GPC6: variants seen among roughly 807,000 people sequenced by gnomAD.
The protein encoded by GPC6 is glypican-6.
In GPC6, 14 loss-of-function variants were observed where a neutral mutation model predicts 55.2. The ratio of observed to expected loss-of-function variants is 0.25; its 90% CI spans 0.17 to 0.40. GPC6 has a LOEUF of 0.40. GPC6 is among the 10% of genes least tolerant of loss of function. The probability of loss-of-function intolerance (pLI) is 1.00; values close to 1 mark genes in which losing one functional copy is unlikely to be tolerated. For missense variants in GPC6, 641 were observed against 708.5 expected (o/e 0.90, Z 1.08); for synonymous variants, 278 against 259.6 (o/e 1.07, Z -0.68).
At chr13:93,590,483 T>C (rs1429972950) in intron 2 of GPC6, among the ~76,000 whole-genome samples, 1 of 152,186 alleles carries the variant, frequency 6.6e-6, no homozygotes, top group African/African-American at 2.4e-5. Flanking sequence ...TCTAGTAATA[T>C]AATTCTTATT....
chr13:94,255,572 C>T (rs979798870), intron 4 of GPC6, among the ~76,000 whole-genome samples: 1 of 152,082 alleles, frequency 6.6e-6, no homozygotes, highest in Non-Finnish European at 1.5e-5. Flanking sequence ...TAAATTGTCC[C>T]TCCTCTTTTT....
At chr13:94,296,700 T>C (rs1875352844) in intron 5 of GPC6, among the ~76,000 whole-genome samples, 1 of 152,180 alleles carries the variant, frequency 6.6e-6, no homozygotes, top group African/African-American at 2.4e-5. Context: ...GGAAACATGC[T>C]CATTTGTAGT....
At chr13:94,302,263 G>A (rs1875689977) in intron 5 of GPC6, among the ~76,000 whole-genome samples, 1 of 152,166 alleles carries the variant, frequency 6.6e-6, no homozygotes, top group African/African-American at 2.4e-5. Flanking sequence ...TAGCAGATTT[G>A]ATGTCTGGTG....
At chr13:94,392,104 A>G (rs1880671635) in intron 7 of GPC6, among the ~76,000 whole-genome samples, 2 of 152,276 alleles carry the variant, frequency 1.3e-5, no homozygotes, top group Admixed American at 6.5e-5. Flanking sequence ...AGGTATATAA[A>G]TATCTGCTCA....
chr13:94,374,677 C>G (rs1388064077), intron 6 of GPC6, among the ~76,000 whole-genome samples: 2 of 151,222 alleles, frequency 1.3e-5, no homozygotes, highest in Non-Finnish European at 2.9e-5. Flanking sequence ...ACAAGGAAAC[C>G]CAGGAATTGA....
chr13:93,471,122 A>G (rs1037373917), intron 1 of GPC6, among the ~76,000 whole-genome samples: 1 of 151,736 alleles, frequency 6.6e-6, no homozygotes, highest in African/African-American at 2.4e-5. Context: ...TTGGCTTTTC[A>G]TATTCTTATT....
chr13:93,433,538 CTTAAA>C lies in GPC6; in HGVS notation c.161-111720_161-111716del, dbSNP rs146382766. On this transcript the variant is annotated intron_variant, in intron 1 of 8. Transcript: ENST00000377047. ...CTGAGCCCCAGGATTATTATAAAAT[CTTAAA>C]TTAAGTAAATGCGGTACATAGTGTG... Among the ~76,000 whole-genome samples, 15 of 152,246 alleles carry C rather than the reference CTTAAA, an allele frequency of 9.9e-5. No homozygotes were observed. In the East Asian group the frequency reaches 2.7e-3, roughly 27 times the overall value.
chr13:93,916,745 A>G (rs561801991), intron 3 of GPC6, among the ~76,000 whole-genome samples: 2 of 151,966 alleles, frequency 1.3e-5, no homozygotes, highest in East Asian at 3.9e-4. Flanking sequence ...ACTCTGAAAA[A>G]CAAGCAGTGT....
At chr13:93,715,061 A>G (rs967219824) in intron 2 of GPC6, among the ~76,000 whole-genome samples, 5 of 151,580 alleles carry the variant, frequency 3.3e-5, no homozygotes, top group African/African-American at 1.2e-4. Context: ...TGATTTCTTT[A>G]CTGTATCCTG....
chr13:93,769,693 T>C (rs1885230284), intron 2 of GPC6, among the ~76,000 whole-genome samples: 1 of 152,232 alleles, frequency 6.6e-6, no homozygotes, highest in African/African-American at 2.4e-5. Context: ...ATTTTATGGG[T>C]GGCTTGGCAC....
At chr13:93,279,015 A>T (rs1217320971) in intron 1 of GPC6, among the ~76,000 whole-genome samples, 1 of 152,370 alleles carries the variant, frequency 6.6e-6, no homozygotes, top group East Asian at 1.9e-4. Context: ...AAAAGACGAA[A>T]TATGATATAT....
rs187621297 is a variant in GPC6, at chr13:93,375,111, G to T, written c.160+147495G>T. ...TCCTGGCCTTCGTAAATTAAAAATA[G>T]CTCCTCTCCAATATGGTATCAGGCC... On this transcript the variant is annotated intron_variant, in intron 1 of 8. Coordinates refer to ENST00000377047, the MANE Select transcript of GPC6 (RefSeq NM_005708.5). Among the ~76,000 whole-genome samples, 5 of 152,168 alleles carry T rather than the reference G, an allele frequency of 3.3e-5. No individual in the cohort carries two copies. The East Asian group carries it at 7.7e-4, about 24-fold the overall frequency.
rs1384325906 is a variant in GPC6, at chr13:94,027,633, A to G, written c.712-96A>G. The G allele has an allele frequency of 2.9e-6, 3 of 1,044,044 alleles. No homozygotes were observed. In the African/African-American group the frequency reaches 4.7e-5, roughly 16 times the overall value. The allele number at this position is 1,044,044 out of a possible 1,614,324, so 64.7% of individuals were successfully genotyped here. On this transcript the variant is annotated intron_variant, in intron 3 of 8. Coordinates refer to ENST00000377047, the MANE Select transcript of GPC6 (RefSeq NM_005708.5). Reference sequence around the variant, plus strand: ...AGATCAGTAATTACAAAGGGTTAAGATTCTGCTTGTGGTTTATCACTGCTA... The same window carrying G: ...AGATCAGTAATTACAAAGGGTTAAGGTTCTGCTTGTGGTTTATCACTGCTA...
intron 6 of GPC6, among the ~76,000 whole-genome samples, chr13:94,350,090 T>C (rs1878469658): frequency 6.6e-6 from 1 of 151,978 alleles, no homozygotes. Context: ...TGTGTGTGTG[T>C]GTTTATGTGT....
In GPC6 at chr13:93,260,946, T is replaced by C. The variant is rs931349037; in HGVS notation, c.160+33330T>C. ...TTTAATACTGAATTATAAAATGTTATGGTGGGTGGGAATACATGATTATGT... is the reference window on the plus strand; with the variant it reads ...TTTAATACTGAATTATAAAATGTTACGGTGGGTGGGAATACATGATTATGT... On this transcript the variant is annotated intron_variant, in intron 1 of 8. Transcript: ENST00000377047. Among the ~76,000 whole-genome samples, 10 of 152,152 alleles carry C rather than the reference T, an allele frequency of 6.6e-5. No individual in the cohort carries two copies. The South Asian group carries it at 1.0e-3, about 16-fold the overall frequency.
intron 6 of GPC6, among the ~76,000 whole-genome samples, chr13:94,345,181 A>T (rs1878226945): frequency 1.3e-5 from 2 of 152,162 alleles, no homozygotes; most frequent in African/African-American, 4.8e-5. Context: ...CACTTAGTCG[A>T]ATTATTTCAA....
chr13:93,501,959 G>A (rs552758720), intron 1 of GPC6, among the ~76,000 whole-genome samples: 1 of 152,080 alleles, frequency 6.6e-6, no homozygotes, highest in South Asian at 2.1e-4. Context: ...GTAGAATGTA[G>A]AATAGTATAT....
intron 1 of GPC6, among the ~76,000 whole-genome samples, chr13:93,381,530 G>A: frequency 6.6e-6 from 1 of 152,138 alleles, no homozygotes; most frequent in South Asian, 2.1e-4. Flanking sequence ...ATTGAGCATT[G>A]TTTTTATTGC....
chr13:93,921,833 C>T (rs936189177), intron 3 of GPC6, among the ~76,000 whole-genome samples: 2 of 151,820 alleles, frequency 1.3e-5, no homozygotes, highest in African/African-American at 4.8e-5. Context: ...AATGCCTGTA[C>T]CCATTTAGGG....
Sources: gnomAD v4.1 joint callset for allele counts (sites outside exome capture counted in the v4.1 genomes callset) on GRCh38, gnomAD v4.1.1 for gene constraint, MANE v1.5 for transcripts, NCBI Gene and HGNC (gene_info 2026-07-23, HGNC 2026-07-21) for gene names.